The following GLIS3 variants were observed in gnomAD, a reference collection of about 807,000 sequenced individuals.
GLIS3 encodes the protein GLIS family zinc finger 3, also known as zinc finger protein GLIS3.
A neutral mutation model predicts 78.6 loss-of-function variants in GLIS3; 53 were observed. The observed-to-expected ratio is 0.67, with a 90% confidence interval of 0.54 to 0.85. The LOEUF (loss-of-function observed/expected upper bound fraction) is 0.85. Ranked by LOEUF, GLIS3 falls within the 40% of genes least tolerant of loss-of-function variation. The probability of loss-of-function intolerance (pLI) is 0.00; values close to 1 mark genes in which losing one functional copy is unlikely to be tolerated. For synonymous variants in GLIS3, 684 were observed against 509.9 expected (o/e 1.34, Z -4.60); for missense variants, 1,703 against 1,231.1 (o/e 1.38, Z -5.74).
chr9:3,956,243 C>T (rs562683613), intron 4 of GLIS3, among the ~76,000 whole-genome samples: 3 of 152,140 alleles, frequency 2.0e-5, no homozygotes, highest in Non-Finnish European at 4.4e-5. Context: ...CACAGCAATG[C>T]TCTCAAATTT....
chr9:4,327,695 T>C (rs1179114326), intron 2 of GLIS3, among the ~76,000 whole-genome samples: 1 of 152,184 alleles, frequency 6.6e-6, no homozygotes, highest in African/African-American at 2.4e-5. Flanking sequence ...GGGGGCGCCA[T>C]CCACTTTGCA....
chr9:4,179,725 C>T (rs1420123681), intron 2 of GLIS3, among the ~76,000 whole-genome samples: 2 of 152,058 alleles, frequency 1.3e-5, no homozygotes, highest in African/African-American at 4.8e-5. Flanking sequence ...GCCTGGCCAA[C>T]GTGGTGAAAC....
the GLIS3 span, among the ~76,000 whole-genome samples, chr9:4,387,592 G>C: frequency 2.6e-5 from 4 of 152,158 alleles, no homozygotes; most frequent in African/African-American, 7.2e-5. Flanking sequence ...ATAATACCAA[G>C]AGTTTGGAAT....
the GLIS3 span, among the ~76,000 whole-genome samples, chr9:4,457,373 G>C: frequency 1.3e-5 from 2 of 148,180 alleles, no homozygotes; most frequent in Non-Finnish European, 3.0e-5. Context: ...AAAAAAAAAA[G>C]CAAGATATAT....
intron 6 of GLIS3, among the ~76,000 whole-genome samples, chr9:3,916,407 G>A (rs977496044): frequency 7.9e-5 from 12 of 152,140 alleles, no homozygotes; most frequent in Non-Finnish European, 1.2e-4. Context: ...ACAGCAAACC[G>A]GGGTGTCCCC....
chr9:4,279,324 T>TACACACACACACACAC lies in GLIS3; in HGVS notation c.388+6698_388+6713dup, dbSNP rs141790371. Among the ~76,000 whole-genome samples the TACACACACACACACAC allele has an allele frequency of 8.6e-4, 73 of 84,900 alleles. 1 individual carries two copies. The highest frequency in any genetic ancestry group is 3.4e-3 in the African/African-American group (72 of 21,098). The allele number at this position is 84,900 out of a possible 152,430, so 55.7% of individuals were successfully genotyped here. ...AAAAAAAAAAAAAAAAATATATATATACACACACACACACACACACACACA... is the reference window on the plus strand; with the variant it reads ...AAAAAAAAAAAAAAAAATATATATATACACACACACACACACACACACACACACACACACACACACA... On this transcript the variant is annotated intron_variant, in intron 2 of 10. Transcript: ENST00000381971.
chr9:4,179,872 T>C (rs1333477473), intron 2 of GLIS3, among the ~76,000 whole-genome samples: 4 of 151,476 alleles, frequency 2.6e-5, no homozygotes, highest in African/African-American at 9.7e-5. Flanking sequence ...ATCGTGCCAC[T>C]GTACTCCAGC....
intron 8 of GLIS3, among the ~76,000 whole-genome samples, chr9:3,869,536 G>A (rs957246179): frequency 9.9e-5 from 15 of 152,228 alleles, no homozygotes; most frequent in African/African-American, 3.4e-4. Flanking sequence ...GTATATATTA[G>A]AGCAACTATG....
intron 4 of GLIS3, among the ~76,000 whole-genome samples, chr9:3,995,985 A>G (rs1038382984): frequency 6.6e-6 from 1 of 152,180 alleles, no homozygotes; most frequent in African/African-American, 2.4e-5. Flanking sequence ...CAAGACTAAT[A>G]AAAACAAGTT....
intron 2 of GLIS3, among the ~76,000 whole-genome samples, chr9:4,323,065 T>G (rs754620732): frequency 5.3e-5 from 8 of 152,226 alleles, no homozygotes; most frequent in Non-Finnish European, 1.2e-4. Flanking sequence ...TTTAAGTCTT[T>G]AACGGATCTT....
the GLIS3 span, among the ~76,000 whole-genome samples, chr9:4,461,786 G>A: frequency 6.6e-6 from 1 of 152,066 alleles, no homozygotes; most frequent in Admixed American, 6.6e-5. Flanking sequence ...CTCAGCATAG[G>A]TCCTAAAATA....
chr9:4,031,066 G>T (rs1180705224), intron 4 of GLIS3, among the ~76,000 whole-genome samples: 1 of 152,190 alleles, frequency 6.6e-6, no homozygotes, highest in African/African-American at 2.4e-5. Context: ...AAATGGTGCA[G>T]CTGCTGTGGA....
chr9:4,346,597 C>G (rs1040938245), intron 2 of GLIS3, among the ~76,000 whole-genome samples: 1 of 152,166 alleles, frequency 6.6e-6, no homozygotes, highest in African/African-American at 2.4e-5. Flanking sequence ...CTCAGTTGCA[C>G]CTTTATGGCC....
At chr9:4,095,668 G>C (rs1829880698) in intron 4 of GLIS3, among the ~76,000 whole-genome samples, 1 of 152,120 alleles carries the variant, frequency 6.6e-6, no homozygotes, top group Non-Finnish European at 1.5e-5. Context: ...TGATGAAAGT[G>C]AGCGAGCTAT....
At chr9:4,416,642 A>T in the GLIS3 span, among the ~76,000 whole-genome samples, 4 of 151,960 alleles carry the variant, frequency 2.6e-5, no homozygotes, top group Non-Finnish European at 5.9e-5. Flanking sequence ...GACTTCCTTA[A>T]ATATGAAGTA....
chr9:4,380,957 C>T, the GLIS3 span, among the ~76,000 whole-genome samples: 1 of 151,974 alleles, frequency 6.6e-6, no homozygotes, highest in Admixed American at 6.6e-5. Flanking sequence ...GAAAATAAGC[C>T]ATATAAAATT....
chr9:4,120,642 C>T (rs921743262), intron 3 of GLIS3, among the ~76,000 whole-genome samples: 1 of 152,130 alleles, frequency 6.6e-6, no homozygotes, highest in South Asian at 2.1e-4. Flanking sequence ...AATTAGTAGT[C>T]CTATCGTATA....
At chr9:4,251,963 C>G (rs1246885655) in intron 2 of GLIS3, among the ~76,000 whole-genome samples, 1 of 152,142 alleles carries the variant, frequency 6.6e-6, no homozygotes, top group Non-Finnish European at 1.5e-5. Context: ...AGGGTTTGTG[C>G]CGAGAGATCT....
At chr9:3,894,928 C>T (rs1268749078) in intron 7 of GLIS3, among the ~76,000 whole-genome samples, 1 of 152,192 alleles carries the variant, frequency 6.6e-6, no homozygotes, top group African/African-American at 2.4e-5. Flanking sequence ...CTCAACCACA[C>T]TGGCCTCTAT....
Sources: gnomAD v4.1 joint callset for allele counts (sites outside exome capture counted in the v4.1 genomes callset) on GRCh38, gnomAD v4.1.1 for gene constraint, MANE v1.5 for transcripts, NCBI Gene and HGNC (gene_info 2026-07-23, HGNC 2026-07-21) for gene names.